The following IL1RAPL1 variants were observed in gnomAD, a reference collection of about 807,000 sequenced individuals.
The protein encoded by IL1RAPL1 is interleukin-1 receptor accessory protein-like 1.
A neutral mutation model predicts 48.4 loss-of-function variants in IL1RAPL1; 3 were observed. The observed-to-expected ratio is 0.06, with a 90% confidence interval of 0.03 to 0.16. The LOEUF is 0.16. IL1RAPL1 is among the 10% of genes least tolerant of loss of function. IL1RAPL1 has a pLI of 1.00. For missense variants in IL1RAPL1, 349 were observed against 530.6 expected, an observed-to-expected ratio of 0.66 and a Z score of 3.36; for synonymous variants, 185 against 187.7, an observed-to-expected ratio of 0.99 and a Z score of 0.12.
intron 2 of IL1RAPL1, among the ~76,000 whole-genome samples, chrX:29,024,822 C>A (rs1926449295): frequency 8.9e-6 from 1 of 111,821 alleles, no homozygotes; most frequent in Admixed American, 9.5e-5. Flanking sequence ...CATATAGCTA[C>A]AATTCACTTA....
chrX:29,628,186 T>A (rs973358548), intron 5 of IL1RAPL1, among the ~76,000 whole-genome samples: 1 of 112,393 alleles, frequency 8.9e-6, no homozygotes, highest in Non-Finnish European at 1.9e-5. Flanking sequence ...GGCTACTTGT[T>A]GACAAAGGCA....
At chrX:29,567,717 A>G (rs906803662) in intron 5 of IL1RAPL1, among the ~76,000 whole-genome samples, 1 of 111,838 alleles carries the variant, frequency 8.9e-6, no homozygotes, top group Non-Finnish European at 1.9e-5. Context: ...ATAGAAAGCA[A>G]TGTAAAAATG....
chrX:29,638,130 A>G (rs755715402), intron 5 of IL1RAPL1, among the ~76,000 whole-genome samples: 2 of 111,514 alleles, frequency 1.8e-5, no homozygotes, highest in Admixed American at 1.9e-4. Context: ...CCTGTCTCAT[A>G]TATATCTGTT....
chrX:29,593,944 C>T (rs1923462547), intron 5 of IL1RAPL1, among the ~76,000 whole-genome samples: 1 of 111,906 alleles, frequency 8.9e-6, no homozygotes, highest in Admixed American at 9.5e-5. Flanking sequence ...ATTGTTCACT[C>T]TCTATTTTTC....
chrX:29,545,185 ATC>A (rs1921579438), intron 5 of IL1RAPL1, among the ~76,000 whole-genome samples: 1 of 19,327 alleles, frequency 5.2e-5, no homozygotes, highest in Non-Finnish European at 9.1e-5. Context: ...AATCCTATCT[ATC>A]TATCTATCTA....
chrX:29,806,225 G>A (rs758221202), intron 6 of IL1RAPL1, among the ~76,000 whole-genome samples: 8 of 109,861 alleles, frequency 7.3e-5, no homozygotes, highest in Non-Finnish European at 1.1e-4. Flanking sequence ...GCGTGCACGC[G>A]TGCACACACA....
At chrX:28,944,389 C>A (rs977022922) in intron 2 of IL1RAPL1, among the ~76,000 whole-genome samples, 42 of 110,574 alleles carry the variant, frequency 3.8e-4, no homozygotes, top group African/African-American at 1.3e-3. Context: ...CTCCCCACAC[C>A]ATTTTTATGA....
intron 3 of IL1RAPL1, among the ~76,000 whole-genome samples, chrX:29,298,935 C>A (rs772963953): frequency 1.6e-3 from 177 of 110,814 alleles, no homozygotes; most frequent in African/African-American, 5.7e-3. Flanking sequence ...CTGGGTGTAT[C>A]TGTGAGGGTG....
At chrX:29,814,661 C>T (rs1008702257) in intron 6 of IL1RAPL1, among the ~76,000 whole-genome samples, 2 of 111,669 alleles carry the variant, frequency 1.8e-5, no homozygotes, top group Non-Finnish European at 3.8e-5. Context: ...CCAAGGCCAA[C>T]GTTGAAAAGG....
At chrX:29,149,469 G>T (rs773431609) in intron 2 of IL1RAPL1, among the ~76,000 whole-genome samples, 1 of 111,658 alleles carries the variant, frequency 9.0e-6, no homozygotes, top group Admixed American at 9.6e-5. Context: ...TTGTCCCATC[G>T]TCTGATGGCC....
At chrX:29,341,976 T>C (rs893604852) in intron 3 of IL1RAPL1, among the ~76,000 whole-genome samples, 1 of 109,639 alleles carries the variant, frequency 9.1e-6, no homozygotes, top group Non-Finnish European at 1.9e-5. Context: ...GTACGGCTAA[T>C]TTTTATATTT....
intron 3 of IL1RAPL1, among the ~76,000 whole-genome samples, chrX:29,309,790 G>A (rs1301428915): frequency 9.8e-6 from 1 of 101,966 alleles, no homozygotes; most frequent in Admixed American, 1.1e-4. Flanking sequence ...CCAGCCTGGG[G>A]AGACACTGTC....
intron 2 of IL1RAPL1, among the ~76,000 whole-genome samples, chrX:29,203,988 A>G (rs1460926388): frequency 1.8e-5 from 2 of 109,868 alleles, no homozygotes; most frequent in African/African-American, 6.6e-5. Context: ...GTTTCATTTA[A>G]CATAATGACC....
intron 2 of IL1RAPL1, among the ~76,000 whole-genome samples, chrX:28,950,980 G>A (rs1457613758): frequency 8.9e-5 from 9 of 101,673 alleles, no homozygotes; most frequent in African/African-American, 3.2e-4. Flanking sequence ...TAGGGACATG[G>A]ATGAAATTGG....
At chrX:28,830,300 A>T (rs970754261) in intron 2 of IL1RAPL1, among the ~76,000 whole-genome samples, 6 of 111,858 alleles carry the variant, frequency 5.4e-5, no homozygotes, top group African/African-American at 3.3e-5. Context: ...TAAGTTACTG[A>T]TGCAATGCCT....
At chrX:28,895,737 G>A (rs1457516021) in intron 2 of IL1RAPL1, among the ~76,000 whole-genome samples, 1 of 111,790 alleles carries the variant, frequency 8.9e-6, no homozygotes, top group African/African-American at 3.3e-5. Flanking sequence ...GTAATGTGGA[G>A]TGGGTAGCCT....
chrX:28,876,004 G>A (rs895999786), intron 2 of IL1RAPL1, among the ~76,000 whole-genome samples: 4 of 111,727 alleles, frequency 3.6e-5, no homozygotes, highest in African/African-American at 6.5e-5. Context: ...GCCATGTAAT[G>A]TCTGCTCCCC....
At chrX:28,982,517 C>G (rs1601994063) in intron 2 of IL1RAPL1, among the ~76,000 whole-genome samples, 1 of 112,143 alleles carries the variant, frequency 8.9e-6, no homozygotes, top group African/African-American at 3.2e-5. Context: ...AAATATAACA[C>G]CACACTATTT....
At chrX:29,715,215 A>G (rs1179916308) in intron 6 of IL1RAPL1, among the ~76,000 whole-genome samples, 2 of 110,615 alleles carry the variant, frequency 1.8e-5, no homozygotes, top group Non-Finnish European at 3.8e-5. Flanking sequence ...CACCATCACA[A>G]CCCCTTTCTC....
Sources: gnomAD v4.1 joint callset for allele counts (sites outside exome capture counted in the v4.1 genomes callset) on GRCh38, gnomAD v4.1.1 for gene constraint, MANE v1.5 for transcripts, NCBI Gene and HGNC (gene_info 2026-07-23, HGNC 2026-07-21) for gene names.